Variants in MIA2 observed in about 807,000 individuals in gnomAD.
MIA2 encodes MIA SH3 domain ER export factor 2, also known as melanoma inhibitory activity protein 2.
A neutral mutation model predicts 167.8 loss-of-function variants in MIA2; 127 were observed. The ratio of observed to expected loss-of-function variants is 0.76; its 90% CI spans 0.66 to 0.88. The LOEUF is 0.88. MIA2 is among the 40% of genes least tolerant of loss of function. MIA2 has a pLI of 0.00. For synonymous variants in MIA2, 552 were observed against 541.9 expected, an observed-to-expected ratio of 1.02 and a Z score of -0.26; for missense variants, 1,690 against 1,624.7, an observed-to-expected ratio of 1.04 and a Z score of -0.69.
chr14:39,318,551 G>T (rs529522861), intron 22 of MIA2, among the ~76,000 whole-genome samples: 1 of 152,114 alleles, frequency 6.6e-6, no homozygotes, highest in Non-Finnish European at 1.5e-5. Flanking sequence ...ACAATGTACT[G>T]TTAACATTAT....
At chr14:39,322,238 G>C (rs1442530099) in intron 24 of MIA2, among the ~76,000 whole-genome samples, 2 of 152,032 alleles carry the variant, frequency 1.3e-5, no homozygotes, top group African/African-American at 4.8e-5. Context: ...ACTGTGGTCT[G>C]CATCATTTGT....
intron 20 of MIA2, 42 bp downstream of exon 20, chr14:39,314,841 T>C (rs770784856): frequency 1.6e-6 from 2 of 1,287,680 alleles, no homozygotes; most frequent in Non-Finnish European, 2.1e-6. Context: ...TGTGTGTATA[T>C]ATATATAATT....
At chr14:39,250,000 G>A (rs1326154021) in intron 4 of MIA2, among the ~76,000 whole-genome samples, 1 of 152,104 alleles carries the variant, frequency 6.6e-6, no homozygotes, top group African/African-American at 2.4e-5. Context: ...AAAGGTGTAG[G>A]CGTGATGCTT....
intron 6 of MIA2, among the ~76,000 whole-genome samples, chr14:39,269,278 G>C (rs1164223924): frequency 6.6e-6 from 1 of 151,638 alleles, no homozygotes; most frequent in Non-Finnish European, 1.5e-5. Flanking sequence ...TTATGCAACT[G>C]TCAGCACAGT....
intron 24 of MIA2, among the ~76,000 whole-genome samples, chr14:39,325,562 T>C (rs900189117): frequency 6.7e-6 from 1 of 149,722 alleles, no homozygotes; most frequent in East Asian, 2.0e-4. Context: ...AGAGATGGGG[T>C]TTCACCTTGT....
rs568407297 is a variant in MIA2 at position 39,272,092 on chromosome 14, G to T, written c.1888-4842G>T. ...TAGGAGGCCGGGTGCGGTGGCTCAT[G>T]CCTGTAATCCCAGCACTTTGGGAGG... On this transcript the variant is annotated intron_variant, in intron 6 of 28. Coordinates refer to ENST00000640607, the MANE Select transcript of MIA2 (RefSeq NM_001329214.4). Among the ~76,000 whole-genome samples the T allele has an allele frequency of 2.0e-5, 3 of 152,276 alleles. No individual in the cohort carries two copies. The South Asian group carries it at 6.2e-4, about 32-fold the overall frequency.
chr14:39,297,327 A>G (rs1483836893), intron 13 of MIA2, among the ~76,000 whole-genome samples: 3 of 147,750 alleles, frequency 2.0e-5, no homozygotes, highest in African/African-American at 7.5e-5. Context: ...CTTGACCTCA[A>G]GTGATCTGCT....
intron 6 of MIA2, chr14:39,265,634 G>GTT (rs542738434): frequency 9.1e-5 from 34 of 375,476 alleles, no homozygotes; most frequent in Middle Eastern, 6.8e-4. Context: ...GCAAAGGGAG[G>GTT]TTTTTTTTTT....
chr14:39,247,904 G>C lies in MIA2; in HGVS notation c.1330G>C (p.Val444Leu), dbSNP rs765863648. Residue 444 changes from valine to leucine, a missense_variant, in exon 4 of 29, where the codon GTC becomes CTC. By Grantham distance (32) the Val-to-Leu change is conservative. Transcript: ENST00000640607. ...ETEDQIDKKP[V>L]SEKTDESDTI... is the part of the protein sequence containing the mutation. ...AGAAGATCAAATAGACAAGAAACCA[G>C]TCTCAGAAAAAACAGACGAATCTGA... 5 of 1,589,154 alleles carry C rather than the reference G, an allele frequency of 3.1e-6. No homozygotes were observed. The highest frequency in any genetic ancestry group is 2.2e-5 in the East Asian group (1 of 44,732).
At chr14:39,280,010 C>T (rs1390491737) in intron 9 of MIA2, among the ~76,000 whole-genome samples, 2 of 151,574 alleles carry the variant, frequency 1.3e-5, no homozygotes, top group African/African-American at 4.8e-5. Flanking sequence ...AGTCTTTGAT[C>T]CATTTGAAAT....
chr14:39,266,898 G>A, intron 6 of MIA2: 1 of 696,580 alleles, frequency 1.4e-6, no homozygotes, highest in Non-Finnish European at 1.8e-6. Context: ...CGCCGCCACC[G>A]CGGCCGCCCG....
At chr14:39,369,824 A>ATTTTG (rs901558943) in intron 23 of MIA2, among the ~76,000 whole-genome samples, 9 of 148,656 alleles carry the variant, frequency 6.1e-5, no homozygotes, top group Non-Finnish European at 1.2e-4. Context: ...ACTGAGCATT[A>ATTTTG]TTTTGTTTTG....
At chr14:39,309,024 T>A (rs1301189136) in intron 18 of MIA2, among the ~76,000 whole-genome samples, 2 of 152,224 alleles carry the variant, frequency 1.3e-5, no homozygotes, top group Non-Finnish European at 2.9e-5. Flanking sequence ...GGGTGGCACC[T>A]CAAGCTGTTT....
chr14:39,313,295 C>T, intron 18 of MIA2, 45 bp from the exon 19 acceptor site: 1 of 990,668 alleles, frequency 1.0e-6, no homozygotes, highest in South Asian at 1.7e-5. Context: ...AATTGATTAT[C>T]TTTTGACATG....
At chr14:39,352,024 TC>T (rs949505908), downstream of MIA2, among the ~76,000 whole-genome samples, 1 of 152,148 alleles carries the variant, frequency 6.6e-6, no homozygotes, top group Non-Finnish European at 1.5e-5. Flanking sequence ...ATTTTATTCT[TC>T]CCTCATTTGG....
At chr14:39,321,878 A>G (rs1376388751) in intron 24 of MIA2, among the ~76,000 whole-genome samples, 1 of 151,502 alleles carries the variant, frequency 6.6e-6, no homozygotes, top group Non-Finnish European at 1.5e-5. Flanking sequence ...CTCCTGCCTC[A>G]GCCTCCTGAG....
intron 25 of MIA2, among the ~76,000 whole-genome samples, chr14:39,342,469 CAT>C (rs1490194209): frequency 1.3e-5 from 2 of 152,142 alleles, no homozygotes; most frequent in East Asian, 1.9e-4. Flanking sequence ...CCTCAATAAA[CAT>C]ATGTGTGCAT....
intron 3 of MIA2, among the ~76,000 whole-genome samples, chr14:39,243,249 C>T (rs949671899): frequency 7.2e-5 from 11 of 152,106 alleles, no homozygotes; most frequent in Admixed American, 3.9e-4. Context: ...CTGCAATGGC[C>T]CTTTGGAGTT....
At chr14:39,320,696 C>G (rs773922697) in intron 23 of MIA2, among the ~76,000 whole-genome samples, 1 of 152,052 alleles carries the variant, frequency 6.6e-6, no homozygotes, top group African/African-American at 2.4e-5. Context: ...ATTCCCAGTT[C>G]GTTGATGTTT....
Sources: gnomAD v4.1 joint callset for allele counts (sites outside exome capture counted in the v4.1 genomes callset) on GRCh38, gnomAD v4.1.1 for gene constraint, MANE v1.5 for transcripts, NCBI Gene and HGNC (gene_info 2026-07-23, HGNC 2026-07-21) for gene names.